EZH1: variants seen among roughly 807,000 people sequenced by gnomAD.
EZH1 encodes histone-lysine N-methyltransferase EZH1.
A neutral mutation model predicts 100.5 loss-of-function variants in EZH1; 33 were observed. That is an observed-to-expected ratio of 0.33 (90% confidence interval 0.25 to 0.44). EZH1 has a LOEUF of 0.44. Ranked by LOEUF, EZH1 falls within the 20% of genes least tolerant of loss-of-function variation. The pLI is 1.00. For missense variants in EZH1, 475 were observed against 928.4 expected, an observed-to-expected ratio of 0.51 and a Z score of 6.35; for synonymous variants, 272 against 313.8, an observed-to-expected ratio of 0.87 and a Z score of 1.41.
intron 4 of EZH1, among the ~76,000 whole-genome samples, chr17:42,725,638 C>T (rs1297889552): frequency 6.6e-6 from 1 of 152,022 alleles, no homozygotes; most frequent in African/African-American, 2.4e-5. Context: ...ACAGTACTTC[C>T]CATACTCAGC....
chr17:42,710,816 T>C (rs74978600), intron 12 of EZH1, among the ~76,000 whole-genome samples: 2,556 of 109,758 alleles, frequency 0.023, 84 homozygotes, highest in African/African-American at 0.088. Context: ...AGAAATGGGG[T>C]CTCACTTTGT....
At chr17:42,727,466 C>T (rs529311720) in intron 4 of EZH1, among the ~76,000 whole-genome samples, 169 bp downstream of exon 4, 26 of 152,098 alleles carry the variant, frequency 1.7e-4, no homozygotes, top group Non-Finnish European at 3.1e-4. Flanking sequence ...TGGTCTCAAA[C>T]TCCTCACCTC....
intron 14 of EZH1, among the ~76,000 whole-genome samples, 185 bp downstream of exon 14, chr17:42,708,691 T>C (rs1351914015): frequency 6.6e-6 from 1 of 152,140 alleles, no homozygotes; most frequent in Non-Finnish European, 1.5e-5. Context: ...AGGCCCTTAA[T>C]GTTACCTCCT....
chr17:42,705,965 C>G (rs771933477), intron 16 of EZH1, 42 bp downstream of exon 16: 1 of 1,542,016 alleles, frequency 6.5e-7, no homozygotes, highest in African/African-American at 1.4e-5. Flanking sequence ...CTTCCTTCCC[C>G]CTCCATTTTA....
rs774987795 is a variant in EZH1 at position 42,719,225 on chromosome 17, A to C, written c.665-18T>G. ...TTTGTTGCCTGAATTGGAAATGATA[A>C]AAAGCTCCTGAGTGCGATTATCAGA... On this transcript the variant is annotated intron_variant, in intron 7 of 20. Transcript: ENST00000428826. 7 of 1,589,236 alleles carry C rather than the reference A, an allele frequency of 4.4e-6. No individual in the cohort carries two copies. The highest frequency in any genetic ancestry group is 5.2e-6 in the Non-Finnish European group (6 of 1,157,904).
intron 20 of EZH1, 81 bp from the exon 21 acceptor site, chr17:42,702,673 T>G (rs1267537288): frequency 4.9e-6 from 7 of 1,416,410 alleles, no homozygotes; most frequent in Non-Finnish European, 5.9e-6. Context: ...CCCGTTTCAC[T>G]TCCCCTCCCA....
chr17:42,728,932 G>A lies in EZH1; in HGVS notation c.10C>T (p.Pro4Ser). 6.2e-7 allele frequency: 1 copy of A among 1,610,490 alleles called. No individual in the cohort carries two copies. The highest frequency in any genetic ancestry group is 8.5e-7 in the Non-Finnish European group (1 of 1,178,562). Residue 4 changes from proline to serine, a missense_variant, in exon 3 of 21, where the codon CCA becomes TCA. Physicochemically the swap from Pro to Ser is moderately conservative, Grantham distance 74. Coordinates refer to ENST00000428826, the MANE Select transcript of EZH1 (RefSeq NM_001991.5). MEI[P>S]NPPTSKCITY... ...ATACATTTGGAGGTAGGGGGATTTG[G>A]TATTTCCATCTTGCTGTAATCTAAG...
At chr17:42,708,365 C>A (rs1406033766) in intron 14 of EZH1, among the ~76,000 whole-genome samples, 1 of 151,984 alleles carries the variant, frequency 6.6e-6, no homozygotes. Flanking sequence ...CTAGAAAAGT[C>A]ACATACTGGC....
intron 10 of EZH1, among the ~76,000 whole-genome samples, chr17:42,717,177 G>T (rs956179541): frequency 6.6e-6 from 1 of 151,996 alleles, no homozygotes; most frequent in Non-Finnish European, 1.5e-5. Flanking sequence ...GTATGTTAAG[G>T]GTCTACTATG....
At chr17:42,734,720 G>A (rs962724699) in intron 1 of EZH1, among the ~76,000 whole-genome samples, 10 of 151,344 alleles carry the variant, frequency 6.6e-5, no homozygotes, top group African/African-American at 1.9e-4. Flanking sequence ...AGGGCTGGGC[G>A]CAGTGGCTCA....
intron 1 of EZH1, among the ~76,000 whole-genome samples, chr17:42,743,412 C>T (rs1015821556): frequency 1.3e-5 from 2 of 149,656 alleles, no homozygotes; most frequent in Non-Finnish European, 1.5e-5. Context: ...CTCGAGTGAA[C>T]GGTCCACCTC....
At chr17:42,713,764 G>A (rs1234972369) in intron 10 of EZH1, among the ~76,000 whole-genome samples, 1 of 151,950 alleles carries the variant, frequency 6.6e-6, no homozygotes, top group Non-Finnish European at 1.5e-5. Context: ...CCCAGCTAAT[G>A]TCCTATAATC....
rs777624196 is a variant in EZH1, at chr17:42,702,256, C to T, written c.*276G>A. 185 of 390,510 alleles carry T rather than the reference C, an allele frequency of 4.7e-4. 1 individual carries two copies. The highest frequency in any genetic ancestry group is 1.6e-4 in the Admixed American group (4 of 24,734). 24.2% of individuals were successfully genotyped at this position (390,510 alleles called of 1,614,324 possible). Reference sequence around the variant, plus strand: ...ACGAAATCACGCATAAGTCATCCACCCCAGCCTGTGCTCGCTTCTTCTGAG... The same window carrying T: ...ACGAAATCACGCATAAGTCATCCACTCCAGCCTGTGCTCGCTTCTTCTGAG... On this transcript the variant is annotated 3_prime_UTR_variant, in exon 21 of 21. Transcript: ENST00000428826.
At chr17:42,702,753 G>T in intron 20 of EZH1, 124 bp downstream of exon 20, 1 of 1,276,206 alleles carries the variant, frequency 7.8e-7, no homozygotes, top group Non-Finnish European at 1.1e-6. Flanking sequence ...AAGGGACACA[G>T]CCTTATTCAC....
At position 42,718,142 on chromosome 17, in the gene EZH1, A is replaced by C. The variant is rs1193967805; in HGVS notation, c.932-75T>G. The C allele has an allele frequency of 1.5e-6, 2 of 1,304,064 alleles. No homozygotes were observed. The highest frequency in any genetic ancestry group is 2.9e-5 in the African/African-American group (2 of 68,874). 80.8% of individuals were successfully genotyped at this position (1,304,064 alleles called of 1,614,324 possible). On this transcript the variant is annotated intron_variant, in intron 9 of 20. Transcript: ENST00000428826. This position sits in a 1 kb window ranked among gnomAD's most constrained non-coding sequence, Gnocchi z 4.2. The stretch of plus-strand genomic sequence containing the variant: ...ATGGGGAGAAACAAAAGTGAATTAG[A>C]GAGCTATTGTAGGAGTTAGAATTCG...
chr17:42,705,935 G>A (rs1309525502), intron 16 of EZH1, 72 bp downstream of exon 16: 7 of 1,404,126 alleles, frequency 5.0e-6, no homozygotes, highest in Non-Finnish European at 4.7e-6. Flanking sequence ...CCAGTGGAAA[G>A]AGAATGCTTG....
At position 42,706,336 on chromosome 17, in the gene EZH1, C is replaced by T. The variant is rs910401871; in HGVS notation, c.1661-151G>A. The T allele has an allele frequency of 1.5e-6, 1 of 647,024 alleles. No individual in the cohort carries two copies. The highest frequency in any genetic ancestry group is 4.3e-4 in the Middle Eastern group (1 of 2,348). 40.1% of individuals were successfully genotyped at this position (647,024 alleles called of 1,614,324 possible). A position where few individuals can be genotyped will look rare whatever the true frequency, so the allele number is the denominator to read the frequency against. ...GCTCCCTTCCCAATAATCAAATACA[C>T]AAGTTTTGTCCATAGAAAACTGAGT... is the stretch of plus-strand genomic sequence containing the variant. On this transcript the variant is annotated intron_variant, in intron 15 of 20. Transcript: ENST00000428826. The surrounding 1 kb of genome is among the most constrained non-coding windows in gnomAD (Gnocchi z 4.4).
intron 1 of EZH1, among the ~76,000 whole-genome samples, chr17:42,741,928 T>C (rs2054183770): frequency 6.6e-6 from 1 of 152,056 alleles, no homozygotes; most frequent in Admixed American, 6.6e-5. Flanking sequence ...TGAACTCAAG[T>C]GATTCGCCCA....
chr17:42,714,753 T>C lies in EZH1; in HGVS notation c.1024-1364A>G, dbSNP rs1351106779. 1.8e-5 allele frequency: 3 copies of C among 170,360 alleles called. No individual in the cohort carries two copies. The Admixed American group carries it at 1.8e-4, about 10-fold the overall frequency. 10.6% of individuals were successfully genotyped at this position (170,360 alleles called of 1,614,324 possible). On this transcript the variant is annotated intron_variant, in intron 10 of 20. Coordinates refer to ENST00000428826, the MANE Select transcript of EZH1 (RefSeq NM_001991.5). Reference sequence around the variant, plus strand: ...ATATACAGTAAGGCCTAAAGGAAATTCCAAAAGAGAAGTTTCAAAATTAAC... The same window carrying C: ...ATATACAGTAAGGCCTAAAGGAAATCCCAAAAGAGAAGTTTCAAAATTAAC...
Sources: allele counts gnomAD v4.1 joint callset (sites outside exome capture counted in the v4.1 genomes callset), GRCh38; gene constraint gnomAD v4.1.1; non-coding constraint Gnocchi (gnomAD v3.1); transcripts MANE v1.5; gene names NCBI Gene and HGNC (gene_info 2026-07-23, HGNC 2026-07-21).